The following ARSF variants were observed in gnomAD, a reference collection of about 807,000 sequenced individuals.
ARSF encodes the protein arylsulfatase F.
Under a neutral mutation model 35.4 loss-of-function variants are expected in ARSF, and 33 were observed. The ratio of observed to expected loss-of-function variants is 0.93; its 90% CI spans 0.71 to 1.25. ARSF has a LOEUF of 1.25. Ranked by LOEUF, ARSF falls within the 50% of genes most tolerant of loss-of-function variation. The pLI is 0.00. For missense variants in ARSF, 501 were observed against 480.2 expected, an observed-to-expected ratio of 1.04 and a Z score of -0.40; for synonymous variants, 222 against 193.1, an observed-to-expected ratio of 1.15 and a Z score of -1.24.
At chrX:3,091,578 C>A (rs141198893) in intron 7 of ARSF, among the ~76,000 whole-genome samples, 3,014 of 111,571 alleles carry the variant, frequency 0.027, 47 homozygotes, top group Middle Eastern at 0.06. Flanking sequence ...GAAAATTAAG[C>A]CTGGAAAAAG....
chrX:3,089,452 T>C (rs2090272469), intron 6 of ARSF, 44 bp from the exon 7 acceptor site: 1 of 1,192,948 alleles, frequency 8.4e-7, no homozygotes, highest in Non-Finnish European at 1.1e-6. Flanking sequence ...TTCACATTCA[T>C]AGATATTGAA....
At chrX:3,100,715 G>A (rs977112421) in intron 7 of ARSF, among the ~76,000 whole-genome samples, 1 of 111,153 alleles carries the variant, frequency 9.0e-6, no homozygotes, top group African/African-American at 3.3e-5. Flanking sequence ...CTCTGCCTCA[G>A]CCACCTGAGT....
intron 1 of ARSF, among the ~76,000 whole-genome samples, chrX:3,063,826 A>T (rs908221475): frequency 1.8e-5 from 2 of 112,155 alleles, no homozygotes; most frequent in African/African-American, 6.5e-5. Flanking sequence ...ATGGAAGAAC[A>T]TTCCATGCTC....
chrX:3,085,559 C>T (rs2090242151), intron 6 of ARSF, among the ~76,000 whole-genome samples: 1 of 110,662 alleles, frequency 9.0e-6, no homozygotes, highest in East Asian at 2.8e-4. Context: ...AAACTTTATG[C>T]ATCCAGAACA....
chrX:3,043,866 T>C (rs1344575278), intron 1 of ARSF, among the ~76,000 whole-genome samples: 2 of 111,118 alleles, frequency 1.8e-5, no homozygotes, highest in Non-Finnish European at 3.8e-5. Flanking sequence ...ACTGTTCCCT[T>C]GAGCACTGGG....
intron 7 of ARSF, among the ~76,000 whole-genome samples, chrX:3,095,451 C>A (rs987171895): frequency 9.4e-6 from 1 of 106,878 alleles, no homozygotes; most frequent in Non-Finnish European, 1.9e-5. Flanking sequence ...CATTAATATA[C>A]AATTATTAGA....
At chrX:3,064,651 C>T (rs1278903743) in intron 1 of ARSF, among the ~76,000 whole-genome samples, 3 of 111,697 alleles carry the variant, frequency 2.7e-5, no homozygotes, top group African/African-American at 9.8e-5. Context: ...AGGATATGAA[C>T]AGACACTTCT....
chrX:3,100,246 C>T (rs904641051), intron 7 of ARSF, among the ~76,000 whole-genome samples: 33 of 112,123 alleles, frequency 2.9e-4, no homozygotes, highest in African/African-American at 1.0e-3. Context: ...AAGAATATAT[C>T]AAATAAATTA....
chrX:3,111,579 A>G (rs1416629060), intron 10 of ARSF, among the ~76,000 whole-genome samples: 2 of 110,897 alleles, frequency 1.8e-5, no homozygotes, highest in Admixed American at 1.9e-4. Flanking sequence ...GGAGTCCCCA[A>G]CTTTTTTGGC....
chrX:3,098,759 A>AT (rs1028563769), intron 7 of ARSF, among the ~76,000 whole-genome samples: 1 of 111,009 alleles, frequency 9.0e-6, no homozygotes, highest in Non-Finnish European at 1.9e-5. Flanking sequence ...GTATGTAACA[A>AT]TTTTTTTTAA....
chrX:3,079,277 G>T (rs371936130), intron 4 of ARSF, among the ~76,000 whole-genome samples: 102 of 109,725 alleles, frequency 9.3e-4, no homozygotes, highest in African/African-American at 3.1e-3. Flanking sequence ...ATCCTTTTGG[G>T]TTCCTCAGGA....
At chrX:3,065,435 AAAATAAATAAAT>A (rs769293147) in intron 1 of ARSF, among the ~76,000 whole-genome samples, 31 of 107,946 alleles carry the variant, frequency 2.9e-4, no homozygotes, top group Non-Finnish European at 5.2e-4. Context: ...AAGTATAATA[AAAATAAATAAAT>A]AAATAAATAA....
intron 5 of ARSF, among the ~76,000 whole-genome samples, chrX:3,082,312 A>G (rs1165543648): frequency 9.0e-6 from 1 of 111,441 alleles, no homozygotes; most frequent in Non-Finnish European, 1.9e-5. Flanking sequence ...ATCTATAGCT[A>G]TCATCGGTCA....
At chrX:3,081,152 C>A in intron 5 of ARSF, 139 bp downstream of exon 5, 7 of 883,499 alleles carry the variant, frequency 7.9e-6, no homozygotes, top group Non-Finnish European at 1.1e-5. Context: ...GCCTACAATC[C>A]CAGTACTTTG....
intron 1 of ARSF, among the ~76,000 whole-genome samples, chrX:3,055,462 C>G (rs1438517273): frequency 9.1e-6 from 1 of 110,490 alleles, no homozygotes; most frequent in Non-Finnish European, 1.9e-5. Context: ...CCCCTTATCC[C>G]TCTTGTTCAA....
At chrX:3,063,329 C>A (rs768865054) in intron 1 of ARSF, among the ~76,000 whole-genome samples, 1 of 111,485 alleles carries the variant, frequency 9.0e-6, no homozygotes, top group South Asian at 3.8e-4. Context: ...CTATTTATGA[C>A]AAACTCACAG....
intron 7 of ARSF, among the ~76,000 whole-genome samples, chrX:3,090,277 CATAAT>C (rs2090279754): frequency 8.9e-6 from 1 of 111,859 alleles, no homozygotes; most frequent in Admixed American, 9.5e-5. Context: ...CATTAAGTAA[CATAAT>C]ATAGTAATAT....
chrX:3,110,073 G>GA, intron 9 of ARSF, 55 bp from the exon 10 acceptor site: 2 of 1,089,786 alleles, frequency 1.8e-6, no homozygotes, highest in Non-Finnish European at 2.4e-6. Context: ...GGTAGCTTGG[G>GA]ACCCAACGTC....
chrX:3,109,468 G>A (rs1352531138), intron 9 of ARSF, among the ~76,000 whole-genome samples: 1 of 111,425 alleles, frequency 9.0e-6, no homozygotes, highest in African/African-American at 3.3e-5. Flanking sequence ...TTTAGATTCA[G>A]GGTCCCATGT....
Sources: gnomAD v4.1 joint callset for allele counts (sites outside exome capture counted in the v4.1 genomes callset) on GRCh38, gnomAD v4.1.1 for gene constraint, MANE v1.5 for transcripts, NCBI Gene and HGNC (gene_info 2026-07-23, HGNC 2026-07-21) for gene names.